The following PNPLA7 variants were observed in gnomAD, a reference collection of about 807,000 sequenced individuals.
PNPLA7 encodes the protein patatin like domain 7, lysophospholipase, also known as patatin-like phospholipase domain-containing protein 7.
PNPLA7 carries 153 observed loss-of-function variants against 161.7 expected under a neutral mutation model. That is an observed-to-expected ratio of 0.95 (90% CI 0.83 to 1.08). PNPLA7 has a LOEUF of 1.08. Among genes scored for constraint, PNPLA7 ranks in the 50% least tolerant of loss-of-function variants. The probability of loss-of-function intolerance (pLI) is 0.00; values close to 1 mark genes in which losing one functional copy is unlikely to be tolerated. For missense variants in PNPLA7, 1,739 were observed against 1,856.6 expected (o/e 0.94, Z 1.16); for synonymous variants, 809 against 782.1 (o/e 1.03, Z -0.57).
At chr9:137,518,310 T>C (rs1232819907) in intron 11 of PNPLA7, among the ~76,000 whole-genome samples, 5 of 109,926 alleles carry the variant, frequency 4.5e-5, no homozygotes, top group South Asian at 6.3e-4. Context: ...CTCCACTCTG[T>C]CCACTCCATC....
intron 4 of PNPLA7, among the ~76,000 whole-genome samples, chr9:137,545,676 T>C (rs1486794093): frequency 4.6e-5 from 7 of 152,178 alleles, no homozygotes; most frequent in Non-Finnish European, 7.3e-5. Context: ...AATATTATAA[T>C]AATCCTCACT....
intron 12 of PNPLA7, among the ~76,000 whole-genome samples, chr9:137,506,753 C>A (rs1006371383): frequency 1.3e-5 from 2 of 152,224 alleles, no homozygotes; most frequent in African/African-American, 2.4e-5. Flanking sequence ...ACACACACAG[C>A]GTATCTGACC....
chr9:137,545,743 T>A (rs868454543), intron 4 of PNPLA7, among the ~76,000 whole-genome samples: 4 of 152,072 alleles, frequency 2.6e-5, no homozygotes, highest in East Asian at 1.9e-4. Context: ...TGAGGGGACA[T>A]AGTGAGGAGT....
chr9:137,521,095 G>A (rs1834967436), intron 10 of PNPLA7, among the ~76,000 whole-genome samples: 1 of 151,368 alleles, frequency 6.6e-6, no homozygotes, highest in Admixed American at 6.6e-5. Context: ...ATGGGGAGGG[G>A]CAGCCTCTGC....
chr9:137,495,298 C>T (rs930170118), intron 18 of PNPLA7, 152 bp from the exon 19 acceptor site: 10 of 592,312 alleles, frequency 1.7e-5, no homozygotes, highest in African/African-American at 5.6e-5. Flanking sequence ...TGGCGGGCGA[C>T]GCTGTCAGAA....
chr9:137,511,955 T>C (rs1351283447), intron 12 of PNPLA7, among the ~76,000 whole-genome samples: 3 of 152,186 alleles, frequency 2.0e-5, no homozygotes, highest in South Asian at 4.1e-4. Flanking sequence ...TCACTTGAGA[T>C]GACTCACACT....
intron 20 of PNPLA7, chr9:137,491,334 A>C (rs544230845): frequency 2.2e-6 from 1 of 453,716 alleles, no homozygotes; most frequent in African/African-American, 2.1e-5. Flanking sequence ...CAGAAAAAAC[A>C]ACAAAATGGA....
Position 137,547,548 on chromosome 9 carries a change from A to C in PNPLA7, c.105+37T>G. The stretch of plus-strand genomic sequence containing the variant: ...GGAGAGGTGAAAAAGGCCACGGCCC[A>C]TCCAGGTCTGGCTCCAGGGAAGCGT... On this transcript the variant is annotated intron_variant, in intron 2 of 34. Transcript: ENST00000406427. The surrounding 1 kb of genome is among the most constrained non-coding windows in gnomAD (Gnocchi z 4.6). 6.2e-7 allele frequency: 1 copy of C among 1,611,248 alleles called. No individual in the cohort carries two copies.
In PNPLA7 at chr9:137,540,300, C is replaced by T. The variant is rs900956043; in HGVS notation, c.747+342G>A. Among the ~76,000 whole-genome samples the T allele has an allele frequency of 3.9e-5, 6 of 152,182 alleles. No homozygotes were observed. The highest frequency in any genetic ancestry group is 3.8e-4 in the East Asian group (2 of 5,196). Reference sequence around the variant, plus strand: ...CAGGAAACGGGGGTGGCTGGTCCCTCGGGAGGGCCTTGGGCCTGAGGAGAG... The same window carrying T: ...CAGGAAACGGGGGTGGCTGGTCCCTTGGGAGGGCCTTGGGCCTGAGGAGAG... On this transcript the variant is annotated intron_variant, in intron 8 of 34. Transcript: ENST00000406427. This position sits in a 1 kb window ranked among gnomAD's most constrained non-coding sequence, Gnocchi z 5.1.
intron 8 of PNPLA7, among the ~76,000 whole-genome samples, chr9:137,527,496 C>T (rs1835363149): frequency 6.6e-6 from 1 of 152,132 alleles, no homozygotes; most frequent in Admixed American, 6.5e-5. Flanking sequence ...ACTTTTTCTG[C>T]ATTTATTAAG....
chr9:137,464,393 C>T lies in PNPLA7; in HGVS notation c.3103G>A (p.Gly1035Arg), dbSNP rs202021065. ...LTYPITSMFS[G>R]AGFNSSIFSV... is the part of the protein sequence containing the mutation. ...AAGATGCTGCTGTTGAAGCCGGCTCCGGAGAACATGGACGTGATGGGGTAG... is the reference window on the plus strand; with the variant it reads ...AAGATGCTGCTGTTGAAGCCGGCTCTGGAGAACATGGACGTGATGGGGTAG... Residue 1035 changes from glycine to arginine, a missense_variant, in exon 27 of 35, where the codon GGA becomes AGA. Physicochemically the swap from Gly to Arg is moderately radical, Grantham distance 125. Around this residue, in one of 6 missense-constraint regions of PNPLA7, gnomAD observed 703 missense variants for 694.6 expected, o/e 1.01. Transcript: ENST00000406427. 79 of 1,613,978 alleles carry T rather than the reference C, an allele frequency of 4.9e-5. No individual in the cohort carries two copies. The highest frequency in any genetic ancestry group is 4.4e-4 in the African/African-American group (33 of 75,008).
intron 22 of PNPLA7, 80 bp downstream of exon 22, chr9:137,480,880 G>T: frequency 7.1e-7 from 1 of 1,402,328 alleles, no homozygotes; most frequent in South Asian, 1.2e-5. Flanking sequence ...TGCAGATGCT[G>T]GATGTGGACA....
In PNPLA7 at chr9:137,537,298, C is replaced by T. The variant is rs1181760953; in HGVS notation, c.747+3344G>A. On this transcript the variant is annotated intron_variant, in intron 8 of 34. Transcript: ENST00000406427. This position sits in a 1 kb window ranked among gnomAD's most constrained non-coding sequence, Gnocchi z 4.5. ...ATCAACTGATCACAATACAGAATTA[C>T]CTCTCTCAGATATCACCCCCATTTT... 1.3e-5 allele frequency among the ~76,000 whole-genome samples: 2 copies of T among 152,058 alleles called. No individual in the cohort carries two copies. The highest frequency in any genetic ancestry group is 1.3e-4 in the Admixed American group (2 of 15,256).
Position 137,495,043 on chromosome 9 carries a change from C to T in PNPLA7, c.2117G>A (p.Arg706Lys). The T allele has an allele frequency of 6.2e-7, 1 of 1,609,674 alleles. No individual in the cohort carries two copies. Among genetic ancestry groups the T allele is most frequent in the Non-Finnish European group, 8.5e-7 (1 of 1,178,710 alleles). ...CCACGCCATGCTCACCTGTGGGTAC[C>T]TGCGCTTGATGGACGTGAGGGCTCC... Reference protein sequence around the residue: ...PAGALTSIKRRYPQVVTRLIH... With the variant: ...PAGALTSIKRKYPQVVTRLIH... The change falls in exon 19 of 35, where the codon AGG becomes AAG. Residue 706 changes from arginine to lysine, a missense_variant. Physicochemically the swap from Arg to Lys is conservative, Grantham distance 26. This residue lies in a region of PNPLA7 where 192 missense variants were observed against 249.5 expected (regional missense o/e 0.77). Coordinates refer to ENST00000406427, the MANE Select transcript of PNPLA7 (RefSeq NM_001098537.3).
chr9:137,502,685 A>AGGGGGATGAGGGGGACGCGGGGGACGG (rs1554767732), intron 14 of PNPLA7, among the ~76,000 whole-genome samples: 1 of 440 alleles, frequency 2.3e-3, no homozygotes, highest in African/African-American at 9.8e-3. Context: ...TCGGGAGATG[A>AGGGGGATGAGGGGGACGCGGGGGACGG]GGGGGACGGG....
At chr9:137,533,195 G>A (rs1835674082) in intron 8 of PNPLA7, among the ~76,000 whole-genome samples, 1 of 148,662 alleles carries the variant, frequency 6.7e-6, no homozygotes, top group Admixed American at 6.7e-5. Context: ...CTCTAGACGG[G>A]GGCACTCCCA....
At chr9:137,508,310 G>A (rs1834025913) in intron 12 of PNPLA7, among the ~76,000 whole-genome samples, 1 of 152,224 alleles carries the variant, frequency 6.6e-6, no homozygotes, top group South Asian at 2.1e-4. Context: ...GCTCACGCCT[G>A]GAATCCCAGC....
At chr9:137,491,850 C>G in intron 20 of PNPLA7, 1 of 985,382 alleles carries the variant, frequency 1.0e-6, no homozygotes, top group African/African-American at 1.7e-5. Context: ...TGCAATGTGT[C>G]GGGGGTGACA....
intron 26 of PNPLA7, 197 bp from the exon 27 acceptor site, chr9:137,464,653 G>A: frequency 1.7e-6 from 1 of 599,206 alleles, no homozygotes; most frequent in Non-Finnish European, 3.0e-6. Context: ...CCCAGGGCCT[G>A]AAAGCCAGGA....
Sources: allele counts gnomAD v4.1 joint callset (sites outside exome capture counted in the v4.1 genomes callset), GRCh38; gene constraint gnomAD v4.1.1; regional missense constraint gnomAD v4.1.1; non-coding constraint Gnocchi (gnomAD v3.1); transcripts MANE v1.5; gene names NCBI Gene and HGNC (gene_info 2026-07-23, HGNC 2026-07-21).